WDR37: variants seen among roughly 807,000 people sequenced by gnomAD.
The protein encoded by WDR37 is WD repeat domain 37, also known as WD repeat-containing protein 37.
A neutral mutation model predicts 62.9 loss-of-function variants in WDR37; 19 were observed. The observed-to-expected ratio is 0.30, with a 90% CI of 0.21 to 0.44. The LOEUF is 0.44. Ranked by LOEUF, WDR37 falls within the 20% of genes least tolerant of loss-of-function variation. The probability of loss-of-function intolerance (pLI) is 1.00; values close to 1 mark genes in which losing one functional copy is unlikely to be tolerated. For synonymous variants in WDR37, 250 were observed against 260.9 expected, an observed-to-expected ratio of 0.96 and a Z score of 0.40; for missense variants, 474 against 657.6, an observed-to-expected ratio of 0.72 and a Z score of 3.05.
intron 4 of WDR37, 92 bp from the exon 5 acceptor site, chr10:1,080,320 C>T (rs1833991755): frequency 5.8e-6 from 9 of 1,542,180 alleles, no homozygotes; most frequent in Non-Finnish European, 7.1e-6. Context: ...TCTGGGCCCC[C>T]TTTCTTCCTG....
At chr10:1,088,935 G>T (rs918464392) in intron 7 of WDR37, among the ~76,000 whole-genome samples, 5 of 152,178 alleles carry the variant, frequency 3.3e-5, no homozygotes, top group Non-Finnish European at 7.3e-5. Flanking sequence ...AGTCATTTCT[G>T]TTCTCTAGAG....
intron 1 of WDR37, among the ~76,000 whole-genome samples, chr10:1,064,364 G>C (rs371711149): frequency 1.3e-5 from 2 of 152,104 alleles, no homozygotes; most frequent in East Asian, 3.9e-4. Context: ...AGAGAAGGAC[G>C]GGGTGGGGGG....
chr10:1,093,379 G>A (rs1019412124), intron 7 of WDR37, 73 bp from the exon 8 acceptor site: 47 of 1,196,394 alleles, frequency 3.9e-5, no homozygotes, highest in Non-Finnish European at 5.2e-5. Context: ...TGAAATACAC[G>A]CTATAGCTAA....
intron 1 of WDR37, among the ~76,000 whole-genome samples, chr10:1,069,658 T>C (rs11594921): frequency 0.087 from 12,972 of 148,704 alleles, 703 homozygotes; most frequent in East Asian, 0.17. Context: ...TGCCAGGGAG[T>C]TGGGGTAACT....
chr10:1,070,376 GT>G (rs1833691371), intron 1 of WDR37, among the ~76,000 whole-genome samples: 1 of 152,024 alleles, frequency 6.6e-6, no homozygotes, highest in Admixed American at 6.6e-5. Flanking sequence ...TTTTAAAAAA[GT>G]TTTAATAACA....
rs368475617 is a variant in WDR37, at chr10:1,121,423, G to A, written c.1104-2795G>A. Among the ~76,000 whole-genome samples, 4 of 152,238 alleles carry A rather than the reference G, an allele frequency of 2.6e-5. No homozygotes were observed. The South Asian group carries it at 6.2e-4, about 24-fold the overall frequency. ...CTCATTGTAACCTTCTCACTGAAGCGTGGCAGCGTCTGATTTATAGTCAAG... is the reference window on the plus strand; with the variant it reads ...CTCATTGTAACCTTCTCACTGAAGCATGGCAGCGTCTGATTTATAGTCAAG... On this transcript the variant is annotated intron_variant, in intron 11 of 13. Coordinates refer to ENST00000263150, the MANE Select transcript of WDR37 (RefSeq NM_014023.4). This position sits in a 1 kb window ranked among gnomAD's most constrained non-coding sequence, Gnocchi z 4.5.
intron 1 of WDR37, among the ~76,000 whole-genome samples, chr10:1,064,946 A>AT (rs1318981195): frequency 1.3e-5 from 2 of 151,950 alleles, no homozygotes; most frequent in Admixed American, 6.6e-5. Flanking sequence ...GTGGCAGGAC[A>AT]TTTTTTTCAG....
chr10:1,061,079 A>G (rs1833357306), intron 1 of WDR37, among the ~76,000 whole-genome samples: 1 of 152,152 alleles, frequency 6.6e-6, no homozygotes, highest in Non-Finnish European at 1.5e-5. Flanking sequence ...AAGGCTCTTA[A>G]TTGGATTTGG....
rs1477011067 is a variant in WDR37 at position 1,129,478 on chromosome 10, A to T, written c.*134A>T. On this transcript the variant is annotated 3_prime_UTR_variant, in exon 14 of 14. Transcript: ENST00000263150. ...GGTGCTTTGTATATGTTCTTTTCAC[A>T]TAGTGCCCAGCTTGCATGAAATGTA... 6 of 1,300,196 alleles carry T rather than the reference A, an allele frequency of 4.6e-6. No homozygotes were observed. The highest frequency in any genetic ancestry group is 1.5e-5 in the South Asian group (1 of 67,124). The allele number at this position is 1,300,196 out of a possible 1,614,324, so 80.5% of individuals were successfully genotyped here. A position where few individuals can be genotyped will look rare whatever the true frequency, so the allele number is the denominator to read the frequency against.
At chr10:1,125,783 G>A (rs1050950684) in intron 13 of WDR37, among the ~76,000 whole-genome samples, 20 of 152,326 alleles carry the variant, frequency 1.3e-4, no homozygotes, top group African/African-American at 4.8e-4. Flanking sequence ...CGTTTCTATG[G>A]CAGGCTGTTG....
intron 5 of WDR37, 119 bp downstream of exon 5, chr10:1,080,595 G>A: frequency 8.0e-7 from 1 of 1,256,326 alleles, no homozygotes; most frequent in South Asian, 1.4e-5. Context: ...TGGTTTTAAG[G>A]GAAATTTAGT....
intron 1 of WDR37, among the ~76,000 whole-genome samples, chr10:1,057,661 C>T (rs1423567423): frequency 6.6e-6 from 1 of 152,174 alleles, no homozygotes; most frequent in Admixed American, 6.5e-5. Context: ...TAATAATGTA[C>T]TCATTTACTA....
At chr10:1,125,061 TGGA>T (rs766561704) in intron 13 of WDR37, 37 bp downstream of exon 13, 1 of 1,609,142 alleles carries the variant, frequency 6.2e-7, no homozygotes, top group Non-Finnish European at 8.5e-7. Flanking sequence ...CAGGGCACAG[TGGA>T]GGAGGACGGG....
intron 1 of WDR37, among the ~76,000 whole-genome samples, chr10:1,065,225 G>A (rs1228871957): frequency 4.6e-5 from 7 of 152,178 alleles, no homozygotes; most frequent in Non-Finnish European, 5.9e-5. Flanking sequence ...CAGTGTATGT[G>A]TAGGAAATAT....
chr10:1,068,430 C>T (rs942800194), intron 1 of WDR37, among the ~76,000 whole-genome samples: 2 of 151,346 alleles, frequency 1.3e-5, no homozygotes, highest in Non-Finnish European at 2.9e-5. Context: ...GCACTCCAGC[C>T]TGGGCGACAG....
At position 1,080,029 on chromosome 10, in the gene WDR37, C is replaced by G; in HGVS notation, c.254C>G (p.Thr85Ser). ...ENLELRREID[T>S]LNERLAAEGQ... ...TTCCCAGTACGTAGAGAAATCGACA[C>G]TCTTAATGAACGTTTAGCTGCTGAA... is the stretch of plus-strand genomic sequence containing the variant. Residue 85 changes from threonine to serine, a missense_variant, in exon 4 of 14, where the codon ACT (threonine) becomes AGT (serine). Transcript: ENST00000263150. 6.2e-7 allele frequency: 1 copy of G among 1,614,044 alleles called. No individual in the cohort carries two copies. The highest frequency in any genetic ancestry group is 8.5e-7 in the Non-Finnish European group (1 of 1,179,992).
At chr10:1,074,357 G>T in intron 2 of WDR37, 1 of 1,262,330 alleles carries the variant, frequency 7.9e-7, no homozygotes, top group South Asian at 1.3e-5. Flanking sequence ...TGCATCTCAT[G>T]GTAACCCTCA....
In WDR37 at chr10:1,129,678, T is replaced by TAC; in HGVS notation, c.*334_*335insAC. ...ACATTTGTGTGAATTAAATGTGAAC[T>TAC]TCTGTATTACGTTGCGGCGTCGGCA... On this transcript the variant is annotated 3_prime_UTR_variant, in exon 14 of 14. Transcript: ENST00000263150. The TAC allele has an allele frequency of 5.1e-6, 1 of 196,578 alleles. No homozygotes were observed. 12.2% of individuals were successfully genotyped at this position (196,578 alleles called of 1,614,324 possible).
intron 5 of WDR37, among the ~76,000 whole-genome samples, chr10:1,083,712 G>A (rs1000613336): frequency 2.0e-5 from 3 of 152,212 alleles, no homozygotes; most frequent in Admixed American, 6.5e-5. Flanking sequence ...CATTCGAGAC[G>A]ATGCCTTTCT....
Sources: gnomAD v4.1 joint callset for allele counts (sites outside exome capture counted in the v4.1 genomes callset) on GRCh38, gnomAD v4.1.1 for gene constraint, Gnocchi (gnomAD v3.1) non-coding constraint, MANE v1.5 for transcripts, NCBI Gene and HGNC (gene_info 2026-07-23, HGNC 2026-07-21) for gene names.